Variants in FHIP1A observed in about 807,000 individuals in gnomAD.
The protein encoded by FHIP1A is FHF complex subunit HOOK-interacting protein 1A.
Under a neutral mutation model 88.6 loss-of-function variants are expected in FHIP1A, and 61 were observed. That is an observed-to-expected ratio of 0.69 (90% CI 0.56 to 0.85). FHIP1A has a LOEUF of 0.85. FHIP1A is among the 40% of genes least tolerant of loss of function. FHIP1A has a pLI of 0.00. For synonymous variants in FHIP1A, 478 were observed against 496.0 expected (o/e 0.96, Z 0.48); for missense variants, 1,154 against 1,273.5 (o/e 0.91, Z 1.43).
intron 13 of FHIP1A, among the ~76,000 whole-genome samples, chr4:151,657,249 T>A (rs947033833): frequency 6.6e-6 from 1 of 152,142 alleles, no homozygotes; most frequent in Admixed American, 6.5e-5. Flanking sequence ...CTCCGAGCCA[T>A]TTTTTTGGGC....
At chr4:151,554,951 T>A (rs1732887329) in intron 3 of FHIP1A, among the ~76,000 whole-genome samples, 2 of 152,202 alleles carry the variant, frequency 1.3e-5, no homozygotes, top group Non-Finnish European at 2.9e-5. Flanking sequence ...ACTTAATGAC[T>A]TTGAAAAGAT....
At chr4:151,584,594 C>T (rs556765876) in intron 5 of FHIP1A, among the ~76,000 whole-genome samples, 158 of 152,138 alleles carry the variant, frequency 1.0e-3, no homozygotes, top group Non-Finnish European at 1.8e-3. Context: ...TTGATGGCTC[C>T]GTCTCTAGCC....
In FHIP1A at chr4:151,662,885, G is replaced by A; in HGVS notation, c.*131G>A. ...CTGACAATACTTGATTTGTGGGGAG[G>A]GGAATTTTCTGTATCTTTCCTCTCT... On this transcript the variant is annotated 3_prime_UTR_variant, in exon 14 of 14. Transcript: ENST00000435205. The A allele has an allele frequency of 1.1e-6, 1 of 902,150 alleles. No individual in the cohort carries two copies. Among genetic ancestry groups the A allele is most frequent in the Non-Finnish European group, 1.6e-6 (1 of 635,678 alleles). 55.9% of individuals were successfully genotyped at this position (902,150 alleles called of 1,614,324 possible). A position where few individuals can be genotyped will look rare whatever the true frequency, so the allele number is the denominator to read the frequency against.
At chr4:151,625,098 G>C (rs1420278448) in intron 7 of FHIP1A, among the ~76,000 whole-genome samples, 2 of 152,110 alleles carry the variant, frequency 1.3e-5, no homozygotes, top group Non-Finnish European at 2.9e-5. Flanking sequence ...GGCAGCAGCG[G>C]GTAGGCTCGT....
chr4:151,616,236 G>C (rs137959828), intron 7 of FHIP1A, among the ~76,000 whole-genome samples: 5 of 152,254 alleles, frequency 3.3e-5, no homozygotes, highest in African/African-American at 1.2e-4. Flanking sequence ...CATCTGAGTT[G>C]TGACAAGTTG....
chr4:151,604,862 A>G (rs1560794926), intron 7 of FHIP1A, among the ~76,000 whole-genome samples: 1 of 151,716 alleles, frequency 6.6e-6, no homozygotes, highest in African/African-American at 2.4e-5. Flanking sequence ...AAAAAAAAAT[A>G]CTAATAATAA....
chr4:151,669,723 T>A lies in FHIP1A; in HGVS notation c.*6969T>A, dbSNP rs1358929184. 1 of 152,152 alleles carries A rather than the reference T, an allele frequency of 6.6e-6. No homozygotes were observed. Among genetic ancestry groups the A allele is most frequent in the African/African-American group, 2.4e-5 (1 of 41,432 alleles). The allele number at this position is 152,152 out of a possible 1,614,324, so 9.4% of individuals were successfully genotyped here. A position where few individuals can be genotyped will look rare whatever the true frequency, so the allele number is the denominator to read the frequency against. On this transcript the variant is annotated 3_prime_UTR_variant, in exon 14 of 14. Transcript: ENST00000435205. ...GCAACAGGATGCGGGGCACCTGGCT[T>A]CCCGGGTAAGGTCACATAGTCTCTT... is the stretch of plus-strand genomic sequence containing the variant.
chr4:151,597,772 G>C (rs998355643), intron 7 of FHIP1A, among the ~76,000 whole-genome samples: 2 of 152,292 alleles, frequency 1.3e-5, no homozygotes, highest in South Asian at 2.1e-4. Flanking sequence ...CAGCAGATTT[G>C]CTGAGCTGCG....
At chr4:151,432,207 G>T (rs887433786) in intron 1 of FHIP1A, among the ~76,000 whole-genome samples, 1 of 152,126 alleles carries the variant, frequency 6.6e-6, no homozygotes, top group African/African-American at 2.4e-5. Context: ...TGCCAGACAG[G>T]TTATCAAGAT....
At chr4:151,620,877 A>T (rs1266084954) in intron 7 of FHIP1A, among the ~76,000 whole-genome samples, 1 of 134,962 alleles carries the variant, frequency 7.4e-6, no homozygotes, top group Non-Finnish European at 1.7e-5. Context: ...CACACCGAGA[A>T]TAAAAAAAAA....
chr4:151,640,722 C>T (rs1224592619), intron 9 of FHIP1A, among the ~76,000 whole-genome samples: 1 of 152,184 alleles, frequency 6.6e-6, no homozygotes, highest in Non-Finnish European at 1.5e-5. Context: ...GGTGCAGAGC[C>T]TCCCAGCTCT....
intron 9 of FHIP1A, among the ~76,000 whole-genome samples, chr4:151,641,231 A>G (rs182873015): frequency 1.3e-5 from 2 of 152,320 alleles, no homozygotes; most frequent in Admixed American, 6.5e-5. Context: ...GGATTCCACC[A>G]GGAGAGAAAC....
At position 151,649,696 on chromosome 4, in the gene FHIP1A, T is replaced by C. The variant is rs1296170494; in HGVS notation, c.1655T>C (p.Phe552Ser). The C allele has an allele frequency of 1.3e-6, 2 of 1,551,592 alleles. No homozygotes were observed. The highest frequency in any genetic ancestry group is 2.4e-5 in the East Asian group (1 of 40,910). Reference protein sequence around the residue: ...EGSVSSACPVFGLPQQLPRKT... With the variant: ...EGSVSSACPVSGLPQQLPRKT... ...AGTGTGAGCTCGGCCTGCCCTGTGT[T>C]CGGGCTCCCGCAACAACTCCCCAGG... Residue 552 changes from phenylalanine to serine, a missense_variant, in exon 11 of 14, where the codon TTC (phenylalanine) becomes TCC (serine). Phe to Ser is a radical substitution (Grantham distance 155, BLOSUM62 -2). Coordinates refer to ENST00000435205, the MANE Select transcript of FHIP1A (RefSeq NM_001109977.3).
chr4:151,474,172 T>G (rs1729620694), intron 2 of FHIP1A, among the ~76,000 whole-genome samples: 3 of 152,188 alleles, frequency 2.0e-5, no homozygotes, highest in Non-Finnish European at 4.4e-5. Flanking sequence ...TCCTCAAGTG[T>G]GTACTGGTGG....
chr4:151,602,202 C>T (rs1398285019), intron 7 of FHIP1A, among the ~76,000 whole-genome samples: 1 of 152,104 alleles, frequency 6.6e-6, no homozygotes. Context: ...CCTCTTTCCT[C>T]CTTACAGGGT....
intron 7 of FHIP1A, among the ~76,000 whole-genome samples, chr4:151,629,206 A>C (rs1289100473): frequency 6.6e-6 from 1 of 152,106 alleles, no homozygotes; most frequent in African/African-American, 2.4e-5. Context: ...CTCCTTTGCA[A>C]TTTATATTAT....
chr4:151,460,216 G>A (rs1056198706), intron 2 of FHIP1A, among the ~76,000 whole-genome samples: 2 of 152,134 alleles, frequency 1.3e-5, no homozygotes, highest in African/African-American at 4.8e-5. Context: ...TAGAGGCCCT[G>A]CGTTAAAGGT....
chr4:151,664,774 C>T lies in FHIP1A; in HGVS notation c.*2020C>T, dbSNP rs184081631. Among the ~76,000 whole-genome samples the T allele has an allele frequency of 2.4e-4, 37 of 152,336 alleles. No homozygotes were observed. The highest frequency in any genetic ancestry group is 6.8e-3 in the Middle Eastern group (2 of 294). ...GACTTACAAAGTCATAAAATGCCAA[C>T]GCCACATCTGTAAATGGAATTCTTT... On this transcript the variant is annotated 3_prime_UTR_variant, in exon 14 of 14. Coordinates refer to ENST00000435205, the MANE Select transcript of FHIP1A (RefSeq NM_001109977.3).
At chr4:151,593,737 T>G (rs1427215225) in intron 7 of FHIP1A, among the ~76,000 whole-genome samples, 1 of 152,192 alleles carries the variant, frequency 6.6e-6, no homozygotes, top group Non-Finnish European at 1.5e-5. Flanking sequence ...CTCTTCCTGT[T>G]TGAATACCCT....
Sources: allele counts gnomAD v4.1 joint callset (sites outside exome capture counted in the v4.1 genomes callset), GRCh38; gene constraint gnomAD v4.1.1; transcripts MANE v1.5; gene names NCBI Gene and HGNC (gene_info 2026-07-23, HGNC 2026-07-21).